TMEM87A: variants seen among roughly 807,000 people sequenced by gnomAD.
TMEM87A encodes the protein transmembrane protein 87A, also known as Golgi-pH regulating cation channel.
TMEM87A carries 50 observed loss-of-function variants against 90.0 expected under a neutral mutation model. That is an observed-to-expected ratio of 0.56 (90% CI 0.44 to 0.70). TMEM87A has a LOEUF of 0.70. Among genes scored for constraint, TMEM87A ranks in the 30% least tolerant of loss-of-function variants. The pLI is 0.00. For synonymous variants in TMEM87A, 226 were observed against 226.7 expected (o/e 1.00, Z 0.03); for missense variants, 577 against 660.5 (o/e 0.87, Z 1.39).
rs530411146 is a variant in TMEM87A at position 42,237,027 on chromosome 15, T to A, written c.868+405A>T. Among the ~76,000 whole-genome samples the A allele has an allele frequency of 5.3e-5, 8 of 152,368 alleles. No individual in the cohort carries two copies. In the South Asian group the frequency reaches 1.7e-3, roughly 32 times the overall value. ...CTATTTTCTTGATATGACTATATTT[T>A]ATCAGTTAGATGCACTTTCCCACCA... On this transcript the variant is annotated intron_variant, in intron 9 of 19. Coordinates refer to ENST00000389834, the MANE Select transcript of TMEM87A (RefSeq NM_015497.5).
intron 6 of TMEM87A, among the ~76,000 whole-genome samples, chr15:42,247,133 G>A (rs906537424): frequency 3.3e-5 from 5 of 152,160 alleles, no homozygotes; most frequent in Admixed American, 6.5e-5. Flanking sequence ...TCCACTTTTT[G>A]ATGGGGTTGA....
chr15:42,233,186 C>T (rs368413075), intron 11 of TMEM87A, 27 bp downstream of exon 11: 67 of 1,570,476 alleles, frequency 4.3e-5, no homozygotes, highest in Middle Eastern at 1.7e-4. Flanking sequence ...GAACTGACCA[C>T]AGAAAATGAG....
chr15:42,213,069 G>A (rs1040194720), intron 19 of TMEM87A, among the ~76,000 whole-genome samples: 14 of 152,084 alleles, frequency 9.2e-5, no homozygotes, highest in African/African-American at 3.4e-4. Context: ...AATCAAAGTC[G>A]GCAGAAAAAC....
intron 2 of TMEM87A, 126 bp downstream of exon 2, chr15:42,271,937 T>C (rs370944754): frequency 6.5e-6 from 5 of 773,508 alleles, no homozygotes; most frequent in African/African-American, 1.8e-5. Flanking sequence ...TTAGTAATAC[T>C]AAAAATATTT....
At chr15:42,232,055 T>C (rs1411968318) in intron 11 of TMEM87A, 1 of 287,962 alleles carries the variant, frequency 3.5e-6, no homozygotes, top group African/African-American at 2.3e-5. Flanking sequence ...AGAGGCAATT[T>C]ATTGCAAAAC....
chr15:42,250,153 T>C (rs993235750), intron 6 of TMEM87A, among the ~76,000 whole-genome samples: 1 of 152,244 alleles, frequency 6.6e-6, no homozygotes, highest in Non-Finnish European at 1.5e-5. Flanking sequence ...TTTGAACCTA[T>C]GTTTGTCTCT....
chr15:42,272,992 A>C, intron 1 of TMEM87A: 1 of 632,612 alleles, frequency 1.6e-6, no homozygotes, highest in Admixed American at 2.2e-5. Context: ...TCAGGCACTG[A>C]AAGTTCTGTT....
chr15:42,268,752 C>T (rs1260356037), intron 2 of TMEM87A, among the ~76,000 whole-genome samples: 3 of 152,016 alleles, frequency 2.0e-5, no homozygotes, highest in Non-Finnish European at 1.5e-5. Context: ...AAGAGGGAAA[C>T]GAGTGGAAAC....
intron 2 of TMEM87A, among the ~76,000 whole-genome samples, chr15:42,269,615 A>G (rs1399166854): frequency 6.6e-6 from 1 of 152,232 alleles, no homozygotes; most frequent in African/African-American, 2.4e-5. Flanking sequence ...TTACAAGACA[A>G]TATTTAGAAC....
At chr15:42,254,123 A>G (rs989073622) in intron 6 of TMEM87A, among the ~76,000 whole-genome samples, 2 of 151,398 alleles carry the variant, frequency 1.3e-5, no homozygotes, top group African/African-American at 2.4e-5. Context: ...CACTGTCTTC[A>G]TGGTATGATC....
chr15:42,265,315 C>T (rs1401009080), intron 3 of TMEM87A, among the ~76,000 whole-genome samples: 1 of 152,178 alleles, frequency 6.6e-6, no homozygotes, highest in Non-Finnish European at 1.5e-5. Context: ...AACTAATTTA[C>T]ACTCCCACTA....
In TMEM87A at chr15:42,264,222, C is replaced by A; in HGVS notation, c.292-19G>T. ...CTTCTGCCTGGAAAAAGAGATAATA[C>A]AGAGTAGTTAACTCACCTTCCAAAA... On this transcript the variant is annotated intron_variant, in intron 3 of 19. Transcript: ENST00000389834. The A allele has an allele frequency of 6.4e-7, 1 of 1,566,832 alleles. No individual in the cohort carries two copies. The highest frequency in any genetic ancestry group is 8.8e-7 in the Non-Finnish European group (1 of 1,139,628).
Position 42,241,251 on chromosome 15 carries a change from A to G in TMEM87A, c.623-1520T>C, listed in dbSNP as rs569309684. On this transcript the variant is annotated intron_variant, in intron 7 of 19. Coordinates refer to ENST00000389834, the MANE Select transcript of TMEM87A (RefSeq NM_015497.5). Reference sequence around the variant, plus strand: ...AGATGTTTTCTGCCATCAAATGGGTAACCACCTTGCAGGGGAGAGGGAGTT... The same window carrying G: ...AGATGTTTTCTGCCATCAAATGGGTGACCACCTTGCAGGGGAGAGGGAGTT... Among the ~76,000 whole-genome samples, 116 of 152,362 alleles carry G rather than the reference A, an allele frequency of 7.6e-4. 1 individual carries two copies. The highest frequency in any genetic ancestry group is 2.7e-3 in the African/African-American group (111 of 41,586).
At position 42,225,120 on chromosome 15, in the gene TMEM87A, A is replaced by G. The variant is rs562435316; in HGVS notation, c.1403+1686T>C. ...CTGACTTTTTTTGATAAACACATAT[A>G]AAGTGCATAGTTTGAAATGACAGCA... On this transcript the variant is annotated intron_variant, in intron 15 of 19. Coordinates refer to ENST00000389834, the MANE Select transcript of TMEM87A (RefSeq NM_015497.5). Among the ~76,000 whole-genome samples the G allele has an allele frequency of 5.3e-5, 8 of 152,326 alleles. No individual in the cohort carries two copies. In the East Asian group the frequency reaches 1.5e-3, roughly 29 times the overall value.
At chr15:42,261,336 C>T (rs1468645503) in intron 4 of TMEM87A, 87 bp from the exon 5 acceptor site, 3 of 1,025,748 alleles carry the variant, frequency 2.9e-6, no homozygotes, top group Non-Finnish European at 4.2e-6. Context: ...ATGGTTAGAA[C>T]AAAACACCAC....
chr15:42,253,377 A>C (rs939923654), intron 6 of TMEM87A, among the ~76,000 whole-genome samples: 1 of 152,124 alleles, frequency 6.6e-6, no homozygotes, highest in African/African-American at 2.4e-5. Context: ...CATGCTTGAC[A>C]GTCTCTCTAT....
intron 11 of TMEM87A, chr15:42,231,897 T>G (rs2050691876): frequency 7.8e-7 from 1 of 1,277,788 alleles, no homozygotes; most frequent in Non-Finnish European, 1.0e-6. Context: ...ACTATCAGAG[T>G]CAAGGGATAA....
intron 2 of TMEM87A, among the ~76,000 whole-genome samples, chr15:42,271,836 A>G (rs192501009): frequency 2.0e-5 from 3 of 151,214 alleles, no homozygotes; most frequent in East Asian, 1.9e-4. Flanking sequence ...TAATGTCTAC[A>G]TAGTGTATAT....
chr15:42,232,043 T>A, intron 11 of TMEM87A: 2 of 321,532 alleles, frequency 6.2e-6, no homozygotes, highest in Non-Finnish European at 9.6e-6. Flanking sequence ...GTGTTTGATT[T>A]AAGAGGCAAT....
Sources: allele counts gnomAD v4.1 joint callset (sites outside exome capture counted in the v4.1 genomes callset), GRCh38; gene constraint gnomAD v4.1.1; transcripts MANE v1.5; gene names NCBI Gene and HGNC (gene_info 2026-07-23, HGNC 2026-07-21).